Variants in NYAP2 observed in about 807,000 individuals in gnomAD.
The protein encoded by NYAP2 is neuronal tyrosine-phosphorylated phosphoinositide-3-kinase adapter 2.
In NYAP2, 23 loss-of-function variants were observed where a neutral mutation model predicts 50.4. That is an observed-to-expected ratio of 0.46 (90% CI 0.33 to 0.65). The LOEUF (loss-of-function observed/expected upper bound fraction) is 0.65, where lower values mean the gene tolerates loss of function less well. Ranked by LOEUF, NYAP2 falls within the 30% of genes least tolerant of loss-of-function variation. The pLI, the probability that NYAP2 is intolerant of heterozygous loss-of-function variation, is 0.02. For synonymous variants in NYAP2, 394 were observed against 365.2 expected (o/e 1.08, Z -0.90); for missense variants, 885 against 861.0 (o/e 1.03, Z -0.35).
At chr2:225,529,097 TAATA>T (rs1691205877) in intron 4 of NYAP2, among the ~76,000 whole-genome samples, 1 of 152,196 alleles carries the variant, frequency 6.6e-6, no homozygotes, top group African/African-American at 2.4e-5. Context: ...ATTATTGAAT[TAATA>T]ATTACTAGGA....
At chr2:225,698,302 TTTC>T in the NYAP2 span, 1 of 152,396 alleles carries the variant, frequency 6.6e-6, no homozygotes, top group African/African-American at 2.4e-5. Flanking sequence ...GTATTCACTC[TTTC>T]TTTTTTGCTA....
chr2:225,464,817 G>A (rs1574628264), intron 3 of NYAP2, among the ~76,000 whole-genome samples: 1 of 152,332 alleles, frequency 6.6e-6, no homozygotes, highest in Non-Finnish European at 1.5e-5. Context: ...AAAGGGAAGA[G>A]ACGATCATTG....
chr2:225,472,661 AT>A (rs1240820305), intron 3 of NYAP2, among the ~76,000 whole-genome samples: 1 of 152,202 alleles, frequency 6.6e-6, no homozygotes, highest in African/African-American at 2.4e-5. Context: ...CGTTAGAAAC[AT>A]TTATGTCCAA....
At chr2:225,532,885 T>A (rs1489294088) in intron 4 of NYAP2, among the ~76,000 whole-genome samples, 1 of 152,190 alleles carries the variant, frequency 6.6e-6, no homozygotes, top group Non-Finnish European at 1.5e-5. Context: ...CTTGAAGATG[T>A]CATTAGTCAA....
intron 3 of NYAP2, among the ~76,000 whole-genome samples, chr2:225,493,980 G>A (rs763105776): frequency 9.2e-5 from 14 of 152,132 alleles, no homozygotes; most frequent in Non-Finnish European, 2.1e-4. Flanking sequence ...ATGACCATGA[G>A]TCAAGTCAAT....
At chr2:225,609,263 A>T (rs966976696) in intron 5 of NYAP2, among the ~76,000 whole-genome samples, 1 of 152,176 alleles carries the variant, frequency 6.6e-6, no homozygotes, top group African/African-American at 2.4e-5. Context: ...ACAGTAAGCT[A>T]TAGTCAACTC....
chr2:225,591,363 G>A (rs959242742), intron 5 of NYAP2, among the ~76,000 whole-genome samples: 3 of 152,148 alleles, frequency 2.0e-5, no homozygotes, highest in African/African-American at 7.2e-5. Flanking sequence ...GAATAAGGTA[G>A]TAAGATTCTT....
At chr2:225,488,114 T>C (rs1248405562) in intron 3 of NYAP2, among the ~76,000 whole-genome samples, 2 of 152,206 alleles carry the variant, frequency 1.3e-5, no homozygotes, top group Non-Finnish European at 2.9e-5. Flanking sequence ...AAAATTTATG[T>C]ATTTCCTTTG....
intron 6 of NYAP2, among the ~76,000 whole-genome samples, chr2:225,636,789 T>C (rs765369489): frequency 6.6e-6 from 1 of 152,144 alleles, no homozygotes; most frequent in East Asian, 1.9e-4. Flanking sequence ...CATGTGAACA[T>C]GCCTGGGCTA....
At chr2:225,659,604 T>A in the NYAP2 span, among the ~76,000 whole-genome samples, 1 of 152,312 alleles carries the variant, frequency 6.6e-6, no homozygotes, top group South Asian at 2.1e-4. Flanking sequence ...GAACCTGATA[T>A]TAACCAGTCA....
At chr2:225,684,227 TA>T in the NYAP2 span, among the ~76,000 whole-genome samples, 2 of 152,114 alleles carry the variant, frequency 1.3e-5, no homozygotes, top group Non-Finnish European at 2.9e-5. Flanking sequence ...GTATGGCAAA[TA>T]TTTTTTTCTG....
At chr2:225,460,112 A>C (rs985019293) in intron 3 of NYAP2, among the ~76,000 whole-genome samples, 6 of 152,202 alleles carry the variant, frequency 3.9e-5, no homozygotes, top group African/African-American at 1.4e-4. Context: ...AATGGATTCT[A>C]ATCAATCAAT....
chr2:225,524,466 A>G (rs1365125787), intron 4 of NYAP2, among the ~76,000 whole-genome samples: 3 of 152,062 alleles, frequency 2.0e-5, no homozygotes, highest in Non-Finnish European at 2.9e-5. Context: ...TCAAATGTTA[A>G]TCTCTTTTGG....
the NYAP2 span, chr2:225,700,030 G>C: frequency 1.3e-5 from 2 of 151,786 alleles, no homozygotes; most frequent in Non-Finnish European, 2.9e-5. Context: ...TGTTATAGCA[G>C]TTTTTCTTGT....
rs753903404 is a variant in NYAP2, at chr2:225,582,067, C to A, written c.650C>A (p.Pro217His). Residue 217 changes from proline to histidine, a missense_variant, in exon 5 of 7, where the codon CCC becomes CAC. Physicochemically the swap from Pro to His is moderately conservative, Grantham distance 77 (BLOSUM62 -2). Transcript: ENST00000636099. This position sits in a 1 kb window ranked among gnomAD's most constrained non-coding sequence, Gnocchi z 7.0. ...GAAACGTACATCAAAAAGCATGGGC[C>A]CCGGAGGACGTCGCTGCCGCGGGAC... is the stretch of plus-strand genomic sequence containing the variant. 6.2e-7 allele frequency: 1 copy of A among 1,613,898 alleles called. No homozygotes were observed. The highest frequency in any genetic ancestry group is 8.5e-7 in the Non-Finnish European group (1 of 1,179,906).
intron 3 of NYAP2, among the ~76,000 whole-genome samples, chr2:225,478,620 T>C (rs1444626126): frequency 1.3e-5 from 2 of 152,180 alleles, no homozygotes; most frequent in Non-Finnish European, 2.9e-5. Flanking sequence ...ATCACTCATA[T>C]TGTTTTTATT....
chr2:225,689,774 A>C, the NYAP2 span, among the ~76,000 whole-genome samples: 6 of 152,270 alleles, frequency 3.9e-5, no homozygotes, highest in African/African-American at 1.4e-4. Flanking sequence ...GATGGAAAAA[A>C]ATACAGGAGA....
the NYAP2 span, among the ~76,000 whole-genome samples, chr2:225,671,981 C>A: frequency 1.3e-5 from 2 of 151,958 alleles, no homozygotes; most frequent in African/African-American, 4.8e-5. Flanking sequence ...GATGTACTGG[C>A]ATCCACACTT....
rs559463355 is a variant in NYAP2 at position 225,543,572 on chromosome 2, T to C, written c.523+29900T>C. 7.2e-5 allele frequency among the ~76,000 whole-genome samples: 11 copies of C among 152,198 alleles called. No homozygotes were observed. In the East Asian group the frequency reaches 2.1e-3, roughly 29 times the overall value. On this transcript the variant is annotated intron_variant, in intron 4 of 6. Transcript: ENST00000636099. ...ATGTTTGTATAGTTTCCAAAGTTCC[T>C]CTTTTTATTGATTTCTTGTTTTACT...
Sources: gnomAD v4.1 joint callset for allele counts (sites outside exome capture counted in the v4.1 genomes callset) on GRCh38, gnomAD v4.1.1 for gene constraint, Gnocchi (gnomAD v3.1) non-coding constraint, MANE v1.5 for transcripts, NCBI Gene and HGNC (gene_info 2026-07-23, HGNC 2026-07-21) for gene names.